The following PABPN1L variants were observed in gnomAD, a reference collection of about 807,000 sequenced individuals.
PABPN1L encodes the protein embryonic polyadenylate-binding protein 2.
Under a neutral mutation model 34.0 loss-of-function variants are expected in PABPN1L, and 45 were observed. The ratio of observed to expected loss-of-function variants is 1.32; its 90% confidence interval spans 1.04 to 1.70. PABPN1L has a LOEUF of 1.70. PABPN1L is among the 40% of genes most tolerant of loss of function. The probability of loss-of-function intolerance (pLI) is 0.00; values close to 1 mark genes in which losing one functional copy is unlikely to be tolerated. For synonymous variants in PABPN1L, 182 were observed against 152.1 expected (o/e 1.20, Z -1.45); for missense variants, 459 against 367.8 (o/e 1.25, Z -2.03).
At chr16:88,865,593 C>T in exon 3 of PABPN1L, 3 of 1,611,540 alleles carry the variant, frequency 1.9e-6, no homozygotes, top group South Asian at 1.1e-5. Flanking sequence ...TGTGGTCAGC[C>T]TCCACCTTCT....
chr16:88,864,392 C>A lies in PABPN1L; in HGVS notation c.655-13G>T, dbSNP rs1436902590. ...TTTTCGGCAGCACCTGGAGCAAAGG[C>A]CTGTTTTGAGTCCTCCTCAAGGAGC... On this transcript the variant is annotated splice_polypyrimidine_tract_variant and intron_variant, in intron 5 of 6. Transcript: ENST00000419291. 5.8e-6 allele frequency: 9 copies of A among 1,552,288 alleles called. No homozygotes were observed. The highest frequency in any genetic ancestry group is 7.8e-6 in the Non-Finnish European group (9 of 1,147,756).
intron 1 of PABPN1L, 122 bp from the exon 2 acceptor site, chr16:88,866,063 A>AG: frequency 1.4e-6 from 2 of 1,397,370 alleles, no homozygotes; most frequent in Non-Finnish European, 1.9e-6. Flanking sequence ...TTCTCTGGAC[A>AG]GGGACACTCC....
chr16:88,863,619 G>A (rs933808738), exon 7 of PABPN1L: 1 of 1,120,170 alleles, frequency 8.9e-7, no homozygotes, highest in Admixed American at 2.0e-5. Context: ...CGCCAAGAGG[G>A]GGCCAGTGGC....
At chr16:88,866,704 C>T, upstream of PABPN1L, 3 of 1,420,064 alleles carry the variant, frequency 2.1e-6, no homozygotes, top group African/African-American at 1.4e-5. Context: ...TAAGCCCTCC[C>T]CTGAGGCCAG....
chr16:88,865,820 C>T (rs1597641029), exon 2 of PABPN1L: 10 of 1,606,816 alleles, frequency 6.2e-6, no homozygotes, highest in Non-Finnish European at 8.5e-6. Flanking sequence ...GGTCTCAGGG[C>T]TCAGCAGCTG....
rs1442746000 is a variant in PABPN1L at position 88,864,279 on chromosome 16, C to T, written c.755G>A (p.Gly252Asp). Residue 252 changes from glycine to aspartate, a missense_variant, in exon 6 of 7, where the codon GGC (glycine) becomes GAC (aspartate). Transcript: ENST00000419291. Reference sequence around the variant, plus strand: ...TCTGAGCCGGGGCCTGCCCTGGAGGCCGCTGTGGGGGAAGGGTGCCCCCCT... The same window carrying T: ...TCTGAGCCGGGGCCTGCCCTGGAGGTCGCTGTGGGGGAAGGGTGCCCCCCT... The T allele has an allele frequency of 2.6e-6, 4 of 1,556,772 alleles. No homozygotes were observed. The East Asian group carries it at 7.2e-5, about 28-fold the overall frequency.
intron 2 of PABPN1L, 63 bp from the exon 3 acceptor site, chr16:88,865,693 AG>A: frequency 1.3e-6 from 2 of 1,556,642 alleles, no homozygotes; most frequent in South Asian, 2.4e-5. Flanking sequence ...CTCACGGGGA[AG>A]GTCGCCCAGG....
chr16:88,869,227 C>T (rs1195028376), upstream of PABPN1L, among the ~76,000 whole-genome samples: 1 of 152,224 alleles, frequency 6.6e-6, no homozygotes, highest in Non-Finnish European at 1.5e-5. Flanking sequence ...CCCATCTGTT[C>T]ACCACCCAGA....
At chr16:88,863,873 G>A in intron 6 of PABPN1L, 78 bp from the exon 7 acceptor site, 1 of 1,400,156 alleles carries the variant, frequency 7.1e-7, no homozygotes, top group Non-Finnish European at 9.7e-7. Flanking sequence ...GGGGACAACA[G>A]GATAAGGATG....
At chr16:88,863,518 C>T in exon 7 of PABPN1L, 1 of 615,964 alleles carries the variant, frequency 1.6e-6, no homozygotes, top group Non-Finnish European at 2.9e-6. Flanking sequence ...CCGTGGGGCC[C>T]ATGCCAGGCT....
chr16:88,869,819 G>T (rs1195948569), upstream of PABPN1L, among the ~76,000 whole-genome samples: 2 of 152,240 alleles, frequency 1.3e-5, no homozygotes, highest in Non-Finnish European at 1.5e-5. Flanking sequence ...GACACACAAG[G>T]CCCGGCCAGG....
intron 5 of PABPN1L, 43 bp from the exon 6 acceptor site, chr16:88,864,422 G>C (rs534048632): frequency 3.9e-6 from 6 of 1,529,078 alleles, no homozygotes; most frequent in African/African-American, 2.8e-5. Context: ...AGGAGCAGCC[G>C]AGACCCAGCT....
exon 7 of PABPN1L, chr16:88,863,751 T>C (rs911175187): frequency 3.9e-6 from 6 of 1,535,984 alleles, no homozygotes; most frequent in Non-Finnish European, 5.2e-6. Flanking sequence ...AATCGGGTCT[T>C]CCCTTTAATA....
chr16:88,868,431 T>C (rs1221641680), upstream of PABPN1L, among the ~76,000 whole-genome samples: 2 of 152,044 alleles, frequency 1.3e-5, no homozygotes, highest in Admixed American at 6.6e-5. Context: ...GGTGAAACCC[T>C]GTCTCTACTA....
chr16:88,865,550 G>A lies in PABPN1L; in HGVS notation c.459+13C>T, dbSNP rs372411090. On this transcript the variant is annotated intron_variant, in intron 3 of 6. Coordinates refer to ENST00000419291, the Ensembl canonical transcript of PABPN1L. The stretch of plus-strand genomic sequence containing the variant: ...CATTCGCTGCCTGCCCCTTCACCCC[G>A]CCCACCACTCACGTTGCCCACGTAG... 5.6e-6 allele frequency: 9 copies of A among 1,609,328 alleles called. No homozygotes were observed. The highest frequency in any genetic ancestry group is 2.7e-5 in the African/African-American group (2 of 74,846).
In PABPN1L at chr16:88,864,942, T is replaced by TGAGGGGAGGGGCAGGGAGGG; in HGVS notation, c.567-22_567-3dup. On this transcript the variant is annotated splice_polypyrimidine_tract_variant and splice_region_variant and intron_variant, in intron 4 of 6. Coordinates refer to ENST00000419291, the Ensembl canonical transcript of PABPN1L. ...GTGGCAAACTCTATGTAGGCATAAC[T>TGAGGGGAGGGGCAGGGAGGG]GAGGGGAGGGGCAGGGAGGGGAGGG... 1 of 1,049,212 alleles carries TGAGGGGAGGGGCAGGGAGGG rather than the reference T, an allele frequency of 9.5e-7. No individual in the cohort carries two copies. Among genetic ancestry groups the TGAGGGGAGGGGCAGGGAGGG allele is most frequent in the East Asian group, 3.7e-5 (1 of 27,230 alleles). The allele number at this position is 1,049,212 out of a possible 1,614,324, so 65.0% of individuals were successfully genotyped here.
intron 6 of PABPN1L, among the ~76,000 whole-genome samples, 187 bp downstream of exon 6, chr16:88,864,050 C>T (rs1353311741): frequency 2.1e-5 from 3 of 140,776 alleles, no homozygotes; most frequent in East Asian, 2.0e-4. Context: ...GGGGTCACCT[C>T]TCCCAGCAGA....
upstream of PABPN1L, among the ~76,000 whole-genome samples, chr16:88,868,425 A>G (rs1353182941): frequency 2.0e-5 from 3 of 152,282 alleles, no homozygotes; most frequent in Admixed American, 6.5e-5. Flanking sequence ...CAACATGGTG[A>G]AACCCTGTCT....
upstream of PABPN1L, among the ~76,000 whole-genome samples, chr16:88,867,394 AT>A (rs540727550): frequency 1.3e-5 from 2 of 151,538 alleles, no homozygotes; most frequent in East Asian, 1.9e-4. Context: ...TGCCCAGCTA[AT>A]TTTTTTTGTC....
Sources: gnomAD v4.1 joint callset for allele counts (sites outside exome capture counted in the v4.1 genomes callset) on GRCh38, gnomAD v4.1.1 for gene constraint, MANE v1.5 for transcripts, NCBI Gene and HGNC (gene_info 2026-07-23, HGNC 2026-07-21) for gene names.